Variants in CA11 observed in about 807,000 individuals in gnomAD.
CA11 encodes the protein carbonic anhydrase-related protein 11.
In CA11, 20 loss-of-function variants were observed where a neutral mutation model predicts 39.3. That is an observed-to-expected ratio of 0.51 (90% confidence interval 0.36 to 0.74). CA11 has a LOEUF of 0.74. Among genes scored for constraint, CA11 ranks in the 30% least tolerant of loss-of-function variants. CA11 has a pLI of 0.00. For synonymous variants in CA11, 166 were observed against 172.5 expected, an observed-to-expected ratio of 0.96 and a Z score of 0.29; for missense variants, 336 against 424.6, an observed-to-expected ratio of 0.79 and a Z score of 1.83.
chr19:48,640,408 C>T (rs1214961136), intron 3 of CA11, 128 bp from the exon 4 acceptor site: 29 of 738,628 alleles, frequency 3.9e-5, no homozygotes, highest in Non-Finnish European at 5.5e-5. Context: ...GAGTCTCGCT[C>T]TTGTTGCCCA....
At chr19:48,638,504 G>T in intron 8 of CA11, 1 of 346,272 alleles carries the variant, frequency 2.9e-6, no homozygotes, top group Non-Finnish European at 4.9e-6. Context: ...AGGGGGAAGG[G>T]AGCATCAGAT....
At position 48,645,780 on chromosome 19, in the gene CA11, C is replaced by T; in HGVS notation, c.-148G>A. 1 of 586,918 alleles carries T rather than the reference C, an allele frequency of 1.7e-6. No individual in the cohort carries two copies. The allele number at this position is 586,918 out of a possible 1,614,324, so 36.4% of individuals were successfully genotyped here. A position where few individuals can be genotyped will look rare whatever the true frequency, so the allele number is the denominator to read the frequency against. On this transcript the variant is annotated 5_prime_UTR_variant, in exon 1 of 9. Coordinates refer to ENST00000084798, the MANE Select transcript of CA11 (RefSeq NM_001217.5). ...AGTCCCAGTTCCCCAAATGCCAAAG[C>T]AGCCAGGGACTGAGATCCGCCCTTC...
rs878908823 is a variant in CA11 at position 48,640,186 on chromosome 19, C to T, written c.380G>A (p.Ser127Asn). 2.5e-6 allele frequency: 4 copies of T among 1,614,008 alleles called. 1 individual carries two copies. The highest frequency in any genetic ancestry group is 2.2e-5 in the South Asian group (2 of 91,070). Residue 127 changes from serine (S) to asparagine (N), a missense_variant, in exon 4 of 9, where the codon AGC becomes AAC. Physicochemically the swap from Ser to Asn is conservative, Grantham distance 46 (BLOSUM62 1). Transcript: ENST00000084798. The stretch of plus-strand genomic sequence containing the variant: ...CAGCCGCAGTTCACTGAGTCGGTGG[C>T]TGTAAAGGAGGGGACCTCCAGACAC... ...VNVSGGPLLY[S>N]HRLSELRLLF...
Position 48,639,376 on chromosome 19 carries a change from TGA to T in CA11, c.722_723del (p.Leu241GlnfsTer15), listed in dbSNP as rs775869463. ...SFGFITYQGS[L>X]STPPCSETVT... ...ACAGTCTCGGAGCAGGGCGGGGTGC[TGA>T]GAGAGCCCTGATAGGTGATGAAGCC... is the stretch of plus-strand genomic sequence containing the variant. On this transcript the variant is annotated frameshift_variant, in exon 7 of 9. Coordinates refer to ENST00000084798, the MANE Select transcript of CA11 (RefSeq NM_001217.5). LOFTEE classifies it high-confidence loss of function. 2 of 1,613,552 alleles carry T rather than the reference TGA, an allele frequency of 1.2e-6. No homozygotes were observed. The highest frequency in any genetic ancestry group is 8.5e-7 in the Non-Finnish European group (1 of 1,179,888).
At position 48,643,714 on chromosome 19, in the gene CA11, G is replaced by T. The variant is rs1257554511; in HGVS notation, c.285+713C>A. ...TCATGCTACGCTGCTTGGTTTGAAT[G>T]CCAGTGCTGGCTCTCTGTGTGATCC... On this transcript the variant is annotated intron_variant, in intron 3 of 8. Transcript: ENST00000084798. This position sits in a 1 kb window ranked among gnomAD's most constrained non-coding sequence, Gnocchi z 4.3. Among the ~76,000 whole-genome samples, 1 of 151,936 alleles carries T rather than the reference G, an allele frequency of 6.6e-6. No homozygotes were observed. Among genetic ancestry groups the T allele is most frequent in the East Asian group, 1.9e-4 (1 of 5,198 alleles).
intron 2 of CA11, 88 bp downstream of exon 2, chr19:48,645,315 G>A (rs2031214189): frequency 6.0e-6 from 7 of 1,165,990 alleles, no homozygotes; most frequent in South Asian, 4.1e-5. Context: ...GTCCTGGGGG[G>A]GAGGAGGGAG....
At chr19:48,638,706 G>A (rs2030942317) in intron 8 of CA11, among the ~76,000 whole-genome samples, 182 bp downstream of exon 8, 1 of 152,164 alleles carries the variant, frequency 6.6e-6, no homozygotes, top group Non-Finnish European at 1.5e-5. Flanking sequence ...CAATGGCCTA[G>A]GGCTGGCAGG....
At chr19:48,644,844 C>T (rs1203506570) in intron 2 of CA11, among the ~76,000 whole-genome samples, 2 of 152,146 alleles carry the variant, frequency 1.3e-5, no homozygotes, top group Admixed American at 1.3e-4. Flanking sequence ...ATCCACCCAC[C>T]TCGGCCTCCT....
chr19:48,641,691 C>T (rs1435235162), intron 3 of CA11, among the ~76,000 whole-genome samples: 1 of 152,018 alleles, frequency 6.6e-6, no homozygotes, highest in African/African-American at 2.4e-5. Context: ...GGCACCCAGG[C>T]TAGATTGCAG....
At chr19:48,639,193 T>TA (rs1295183738) in intron 7 of CA11, 112 bp downstream of exon 7, 1 of 1,524,350 alleles carries the variant, frequency 6.6e-7, no homozygotes, top group Non-Finnish European at 9.0e-7. Flanking sequence ...CTGACCCTCT[T>TA]ACCTACTTGA....
intron 3 of CA11, among the ~76,000 whole-genome samples, 178 bp downstream of exon 3, chr19:48,644,249 C>G (rs369685201): frequency 2.6e-5 from 4 of 152,144 alleles, no homozygotes; most frequent in East Asian, 3.9e-4. Flanking sequence ...GACTAGGGGA[C>G]CATGCTTGGG....
rs1454918163 is a variant in CA11, at chr19:48,644,428, T to C, written c.284A>G (p.Lys95Arg). The C allele has an allele frequency of 6.3e-7, 1 of 1,588,896 alleles. No homozygotes were observed. The highest frequency in any genetic ancestry group is 1.1e-5 in the South Asian group (1 of 88,348). The change falls in exon 3 of 9, where the codon AAG becomes AGG. Residue 95 changes from lysine (K) to arginine (R), a missense_variant and splice_region_variant. By Grantham distance (26) the Lys-to-Arg change is conservative. Coordinates refer to ENST00000084798, the MANE Select transcript of CA11 (RefSeq NM_001217.5). The part of the protein sequence containing the change: ...PPLRLSTGGE[K>R]LRGTLYNTGR... The stretch of plus-strand genomic sequence containing the variant: ...AGCTCCTCCCTCCAAGCCCCTTACC[T>C]TCTCTCCTCCAGTGCTGAGCCTTAA...
At chr19:48,645,319 G>A in intron 2 of CA11, 84 bp downstream of exon 2, 1 of 1,204,662 alleles carries the variant, frequency 8.3e-7, no homozygotes, top group African/African-American at 1.5e-5. Flanking sequence ...TGGGGGGGAG[G>A]AGGGAGCTGG....
In CA11 at chr19:48,643,966, G is replaced by A. The variant is rs757817368; in HGVS notation, c.285+461C>T. Among the ~76,000 whole-genome samples the A allele has an allele frequency of 3.9e-5, 6 of 151,950 alleles. No individual in the cohort carries two copies. Among genetic ancestry groups the A allele is most frequent in the East Asian group, 1.9e-4 (1 of 5,162 alleles). ...AAAAATTAGCTGGGCGTGATGGTGC[G>A]CATGCCTGTAATCCCAACTACTCGG... On this transcript the variant is annotated intron_variant, in intron 3 of 8. Coordinates refer to ENST00000084798, the MANE Select transcript of CA11 (RefSeq NM_001217.5). This position sits in a 1 kb window ranked among gnomAD's most constrained non-coding sequence, Gnocchi z 4.3.
At position 48,645,849 on chromosome 19, in the gene CA11, C is replaced by T; in HGVS notation, c.-217G>A. The T allele has an allele frequency of 1.9e-6, 1 of 533,332 alleles. No homozygotes were observed. The highest frequency in any genetic ancestry group is 3.3e-6 in the Non-Finnish European group (1 of 304,926). 33.0% of individuals were successfully genotyped at this position (533,332 alleles called of 1,614,324 possible). On this transcript the variant is annotated 5_prime_UTR_variant, in exon 1 of 9. Coordinates refer to ENST00000084798, the MANE Select transcript of CA11 (RefSeq NM_001217.5). ...TCTCCCGTCTCTCTGTGTCTTTCCT[C>T]TTTCCTCTGCTCTTTTCCCGGAACC...
intron 8 of CA11, chr19:48,638,446 G>T: frequency 2.0e-6 from 2 of 992,868 alleles, no homozygotes; most frequent in Non-Finnish European, 2.5e-6. Flanking sequence ...CTAAACCACA[G>T]GGAGGCAGAG....
At position 48,643,024 on chromosome 19, in the gene CA11, C is replaced by T. The variant is rs540041575; in HGVS notation, c.285+1403G>A. ...GGAGGATCACTTGAACCCAGGAGTT[C>T]GACATCAGCCTGGACAACATAGTGA... On this transcript the variant is annotated intron_variant, in intron 3 of 8. Coordinates refer to ENST00000084798, the MANE Select transcript of CA11 (RefSeq NM_001217.5). The surrounding 1 kb of genome is among the most constrained non-coding windows in gnomAD (Gnocchi z 4.3). Among the ~76,000 whole-genome samples, 1 of 152,096 alleles carries T rather than the reference C, an allele frequency of 6.6e-6. No homozygotes were observed. The highest frequency in any genetic ancestry group is 2.1e-4 in the South Asian group (1 of 4,820).
chr19:48,639,848 C>T lies in CA11; in HGVS notation c.507G>A (p.Gly169=), dbSNP rs1187951603. ...QLIHFNQELY[G]NFSAASRGPN... ...GGCCGCGGGAGGCAGCGCTGAAATT[C>T]CCGTAGAGTTCCTGGTTGAAGTGAA... The change falls in exon 5 of 9, where the codon GGG becomes GGA. Residue 169 remains glycine (G), a synonymous_variant. Transcript: ENST00000084798. 7 of 1,614,038 alleles carry T rather than the reference C, an allele frequency of 4.3e-6. No individual in the cohort carries two copies. The highest frequency in any genetic ancestry group is 5.9e-6 in the Non-Finnish European group (7 of 1,180,026).
Position 48,643,354 on chromosome 19 carries a change from C to G in CA11, c.285+1073G>C, listed in dbSNP as rs1262794683. ...CCTCTCAAGTAGCTGGGATTACAGGCACATGCCACCACACCCGGCTAATTT... is the reference window on the plus strand; with the variant it reads ...CCTCTCAAGTAGCTGGGATTACAGGGACATGCCACCACACCCGGCTAATTT... On this transcript the variant is annotated intron_variant, in intron 3 of 8. Transcript: ENST00000084798. The surrounding 1 kb of genome is among the most constrained non-coding windows in gnomAD (Gnocchi z 4.3). Among the ~76,000 whole-genome samples the G allele has an allele frequency of 6.6e-6, 1 of 152,172 alleles. No individual in the cohort carries two copies. Among genetic ancestry groups the G allele is most frequent in the East Asian group, 1.9e-4 (1 of 5,180 alleles).
Sources: allele counts gnomAD v4.1 joint callset (sites outside exome capture counted in the v4.1 genomes callset), GRCh38; gene constraint gnomAD v4.1.1; non-coding constraint Gnocchi (gnomAD v3.1); transcripts MANE v1.5; gene names NCBI Gene and HGNC (gene_info 2026-07-23, HGNC 2026-07-21).